Variants in ST6GALNAC3 observed in about 807,000 individuals in gnomAD.
ST6GALNAC3 encodes the protein alpha-N-acetylgalactosaminide alpha-2,6-sialyltransferase 3.
A neutral mutation model predicts 32.7 loss-of-function variants in ST6GALNAC3; 25 were observed. The observed-to-expected ratio is 0.76, with a 90% CI of 0.56 to 1.07. ST6GALNAC3 has a LOEUF of 1.07. Ranked by LOEUF, ST6GALNAC3 falls within the 50% of genes least tolerant of loss-of-function variation. ST6GALNAC3 has a pLI of 0.00. For missense variants in ST6GALNAC3, 355 were observed against 382.4 expected, an observed-to-expected ratio of 0.93 and a Z score of 0.60; for synonymous variants, 129 against 133.1, an observed-to-expected ratio of 0.97 and a Z score of 0.21.
chr1:76,089,603 G>A (rs181217641), intron 1 of ST6GALNAC3, among the ~76,000 whole-genome samples: 2 of 152,180 alleles, frequency 1.3e-5, no homozygotes, highest in Non-Finnish European at 2.9e-5. Flanking sequence ...GTTATTAGTT[G>A]TACAGGTTGT....
At chr1:76,129,899 A>G (rs1649498548) in intron 1 of ST6GALNAC3, among the ~76,000 whole-genome samples, 1 of 152,146 alleles carries the variant, frequency 6.6e-6, no homozygotes, top group Non-Finnish European at 1.5e-5. Context: ...CCCTCACGAT[A>G]GGTCATCATT....
intron 1 of ST6GALNAC3, among the ~76,000 whole-genome samples, chr1:76,116,283 A>G (rs535941485): frequency 5.9e-5 from 9 of 152,314 alleles, no homozygotes; most frequent in Non-Finnish European, 8.8e-5. Context: ...CTCCTGGGCT[A>G]CAGTGAGGAC....
chr1:76,161,638 T>G (rs1318243), intron 1 of ST6GALNAC3, among the ~76,000 whole-genome samples: 106,859 of 152,198 alleles, frequency 0.7, 39,875 homozygotes, highest in East Asian at 0.95. Flanking sequence ...CTTAAAGTAC[T>G]TGCTGGGAAG....
At chr1:76,257,577 G>A (rs1049355976) in intron 1 of ST6GALNAC3, among the ~76,000 whole-genome samples, 22 of 152,218 alleles carry the variant, frequency 1.4e-4, no homozygotes, top group African/African-American at 3.9e-4. Flanking sequence ...TAGTTGTGCC[G>A]TTCAGTAATA....
intron 3 of ST6GALNAC3, among the ~76,000 whole-genome samples, chr1:76,520,797 A>G (rs564122267): frequency 6.6e-6 from 1 of 152,184 alleles, no homozygotes; most frequent in Non-Finnish European, 1.5e-5. Context: ...TAGCCATACC[A>G]GTTTTATTTG....
chr1:76,450,707 A>C (rs1288424084), intron 3 of ST6GALNAC3, among the ~76,000 whole-genome samples: 1 of 152,194 alleles, frequency 6.6e-6, no homozygotes, highest in African/African-American at 2.4e-5. Context: ...TAAATGCTTG[A>C]GCCATCTTGA....
At chr1:76,587,695 G>T (rs1331391688) in intron 3 of ST6GALNAC3, among the ~76,000 whole-genome samples, 1 of 152,180 alleles carries the variant, frequency 6.6e-6, no homozygotes, top group Non-Finnish European at 1.5e-5. Context: ...CAAGTTCTGG[G>T]CACGTAATGG....
At chr1:76,075,543 C>T (rs978136804) in intron 1 of ST6GALNAC3, among the ~76,000 whole-genome samples, 4 of 152,182 alleles carry the variant, frequency 2.6e-5, no homozygotes, top group African/African-American at 9.7e-5. Context: ...AGAGTGCGCT[C>T]AGCCATCCCT....
chr1:76,534,882 C>T (rs1335087056), intron 3 of ST6GALNAC3, among the ~76,000 whole-genome samples: 1 of 152,078 alleles, frequency 6.6e-6, no homozygotes, highest in Non-Finnish European at 1.5e-5. Flanking sequence ...GTCAGGATAC[C>T]TATGTTCTAG....
rs150563205 is a variant in ST6GALNAC3, at chr1:76,239,714, A to G, written c.19-74091A>G. The stretch of plus-strand genomic sequence containing the variant: ...ACTAGGTCTACCTCCAACATCAGGG[A>G]TCACATTTCAACATGAGATTTGGAG... On this transcript the variant is annotated intron_variant, in intron 1 of 4. Coordinates refer to ENST00000328299, the MANE Select transcript of ST6GALNAC3 (RefSeq NM_152996.4). 1.7e-3 allele frequency among the ~76,000 whole-genome samples: 261 copies of G among 152,302 alleles called. 3 individuals are homozygous for G. Among genetic ancestry groups the G allele is most frequent in the African/African-American group, 6.1e-3 (253 of 41,578 alleles).
intron 1 of ST6GALNAC3, among the ~76,000 whole-genome samples, chr1:76,194,050 A>T (rs749238524): frequency 4.6e-5 from 7 of 152,140 alleles, no homozygotes; most frequent in Non-Finnish European, 8.8e-5. Context: ...CATAAAACCC[A>T]CCTAACCACC....
intron 3 of ST6GALNAC3, among the ~76,000 whole-genome samples, chr1:76,532,531 C>G (rs1663325177): frequency 6.6e-6 from 1 of 151,998 alleles, no homozygotes; most frequent in Admixed American, 6.6e-5. Context: ...CCAAACGTAA[C>G]ATAGAAATCG....
chr1:76,562,802 T>C (rs1343166942), intron 3 of ST6GALNAC3, among the ~76,000 whole-genome samples: 3 of 152,206 alleles, frequency 2.0e-5, no homozygotes, highest in Non-Finnish European at 2.9e-5. Context: ...ATTTGTACAA[T>C]AAAGGTCAGA....
chr1:76,289,489 C>G (rs951042265), intron 1 of ST6GALNAC3, among the ~76,000 whole-genome samples: 1 of 152,180 alleles, frequency 6.6e-6, no homozygotes, highest in African/African-American at 2.4e-5. Flanking sequence ...ATCATGGGTT[C>G]CCAGCAGGGG....
At chr1:76,162,621 G>A (rs1651882154) in intron 1 of ST6GALNAC3, among the ~76,000 whole-genome samples, 1 of 152,184 alleles carries the variant, frequency 6.6e-6, no homozygotes, top group African/African-American at 2.4e-5. Context: ...ACAATCATGA[G>A]CCAGCTTATT....
At chr1:76,347,305 A>G (rs1648602454) in intron 2 of ST6GALNAC3, among the ~76,000 whole-genome samples, 1 of 152,168 alleles carries the variant, frequency 6.6e-6, no homozygotes, top group Non-Finnish European at 1.5e-5. Context: ...TTTTGGATAT[A>G]TGACTTAAAA....
intron 2 of ST6GALNAC3, among the ~76,000 whole-genome samples, chr1:76,341,405 G>A (rs1647956714): frequency 6.6e-6 from 1 of 152,112 alleles, no homozygotes; most frequent in Non-Finnish European, 1.5e-5. Flanking sequence ...TAAAATGGCT[G>A]CATGGTATTC....
At chr1:76,567,330 C>T (rs140927047) in intron 3 of ST6GALNAC3, among the ~76,000 whole-genome samples, 283 of 152,252 alleles carry the variant, frequency 1.9e-3, no homozygotes, top group African/African-American at 6.5e-3. Flanking sequence ...AGAGCAATCA[C>T]ACCCTTACTT....
chr1:76,320,604 C>T (rs1208436914), intron 2 of ST6GALNAC3, among the ~76,000 whole-genome samples: 2 of 152,048 alleles, frequency 1.3e-5, no homozygotes, highest in Non-Finnish European at 2.9e-5. Context: ...ACAGGTAATA[C>T]ATAGGTCAAC....
Sources: gnomAD v4.1 joint callset for allele counts (sites outside exome capture counted in the v4.1 genomes callset) on GRCh38, gnomAD v4.1.1 for gene constraint, MANE v1.5 for transcripts, NCBI Gene and HGNC (gene_info 2026-07-23, HGNC 2026-07-21) for gene names.